The following STS variants were observed in gnomAD, a reference collection of about 807,000 sequenced individuals.
STS encodes steryl-sulfatase.
A neutral mutation model predicts 26.8 loss-of-function variants in STS; 7 were observed. The observed-to-expected ratio is 0.26, with a 90% CI of 0.15 to 0.49. The LOEUF is 0.49. Ranked by LOEUF, STS falls within the 20% of genes least tolerant of loss-of-function variation. The probability of loss-of-function intolerance (pLI) is 0.98; values close to 1 mark genes in which losing one functional copy is unlikely to be tolerated. For missense variants in STS, 434 were observed against 465.6 expected, an observed-to-expected ratio of 0.93 and a Z score of 0.63; for synonymous variants, 199 against 189.4, an observed-to-expected ratio of 1.05 and a Z score of -0.42.
chrX:7,337,234 G>A (rs901256020), intron 10 of STS, among the ~76,000 whole-genome samples: 3 of 111,989 alleles, frequency 2.7e-5, no homozygotes, highest in Admixed American at 9.5e-5. Context: ...ATTTTTCCTA[G>A]AAATATGTAT....
intron 6 of STS, among the ~76,000 whole-genome samples, chrX:7,272,836 A>G (rs1378431294): frequency 3.6e-5 from 4 of 111,529 alleles, no homozygotes; most frequent in Non-Finnish European, 7.5e-5. Context: ...ATACTTTATT[A>G]GCATTTGCTA....
intron 2 of STS, among the ~76,000 whole-genome samples, chrX:7,215,712 T>C (rs1025859914): frequency 3.6e-5 from 4 of 111,339 alleles, no homozygotes; most frequent in Admixed American, 2.9e-4. Flanking sequence ...GTTGGGGTTT[T>C]CATCTCCTCT....
At chrX:7,317,414 G>C (rs186103644) in intron 8 of STS, among the ~76,000 whole-genome samples, 1 of 110,805 alleles carries the variant, frequency 9.0e-6, no homozygotes, top group Non-Finnish European at 1.9e-5. Context: ...TTTTTATTTT[G>C]GTTGGTGTTT....
chrX:7,338,773 C>T (rs1295451778), intron 10 of STS, among the ~76,000 whole-genome samples: 5 of 112,196 alleles, frequency 4.5e-5, no homozygotes, highest in African/African-American at 9.7e-5. Flanking sequence ...AATATACAAT[C>T]AATTAATGTT....
intron 1 of STS, among the ~76,000 whole-genome samples, chrX:7,185,132 G>A (rs186626967): frequency 2.5e-4 from 28 of 111,944 alleles, no homozygotes; most frequent in African/African-American, 8.4e-4. Context: ...TGTGAAAAAT[G>A]ACCCTTTAAA....
At chrX:7,175,795 C>A (rs1933559676) in intron 1 of STS, among the ~76,000 whole-genome samples, 1 of 111,680 alleles carries the variant, frequency 9.0e-6, no homozygotes, top group African/African-American at 3.3e-5. Flanking sequence ...CCTCCATTAT[C>A]CAGTTCATGA....
At chrX:7,210,494 T>C (rs1920997993) in intron 2 of STS, among the ~76,000 whole-genome samples, 1 of 107,337 alleles carries the variant, frequency 9.3e-6, no homozygotes, top group African/African-American at 3.3e-5. Flanking sequence ...AATTTTTAAA[T>C]ATTAAATATA....
chrX:7,324,343 A>AG (rs1170734481), intron 8 of STS, among the ~76,000 whole-genome samples: 1 of 110,772 alleles, frequency 9.0e-6, no homozygotes, highest in African/African-American at 3.3e-5. Context: ...TCCACGTAGC[A>AG]GGCTTCAGAG....
At chrX:7,248,131 C>A (rs1286947843) in intron 2 of STS, among the ~76,000 whole-genome samples, 10 of 112,302 alleles carry the variant, frequency 8.9e-5, no homozygotes, top group African/African-American at 3.2e-4. Flanking sequence ...TATGTATATT[C>A]TATCATTTGC....
chrX:7,344,019 C>T (rs191932938), intron 10 of STS, among the ~76,000 whole-genome samples: 1 of 112,052 alleles, frequency 8.9e-6, no homozygotes, highest in Non-Finnish European at 1.9e-5. Context: ...TGCAGTTTAT[C>T]ACCACGCCTT....
At chrX:7,289,556 C>T (rs762591029) in intron 7 of STS, among the ~76,000 whole-genome samples, 1 of 111,780 alleles carries the variant, frequency 8.9e-6, no homozygotes, top group Admixed American at 9.5e-5. Context: ...ACTGTGCATC[C>T]TTCCCTGACC....
intron 7 of STS, among the ~76,000 whole-genome samples, chrX:7,296,297 C>A (rs1394505228): frequency 8.9e-6 from 1 of 112,064 alleles, no homozygotes; most frequent in Non-Finnish European, 1.9e-5. Context: ...AGCTGATGGC[C>A]ATACCAAACA....
chrX:7,209,990 G>A lies in STS; in HGVS notation c.-5+18982G>A, dbSNP rs923902906. Reference sequence around the variant, plus strand: ...TTATGGCTGTGTAGTATTCCATGATGTATATGTACCACTTTTCTTTATCCA... The same window carrying A: ...TTATGGCTGTGTAGTATTCCATGATATATATGTACCACTTTTCTTTATCCA... On this transcript the variant is annotated intron_variant, in intron 2 of 10. Coordinates refer to ENST00000674429, the MANE Select transcript of STS (RefSeq NM_001320752.2). 1.1e-4 allele frequency among the ~76,000 whole-genome samples: 12 copies of A among 111,735 alleles called. No homozygotes were observed. In the East Asian group the frequency reaches 3.3e-3, roughly 31 times the overall value.
intron 1 of STS, among the ~76,000 whole-genome samples, chrX:7,182,467 G>A (rs1397551558): frequency 9.1e-6 from 1 of 109,642 alleles, no homozygotes; most frequent in Non-Finnish European, 1.9e-5. Flanking sequence ...ATGGACTCTA[G>A]CATTCCCACT....
At chrX:7,329,716 A>G (rs1331890224) in intron 9 of STS, among the ~76,000 whole-genome samples, 1 of 111,944 alleles carries the variant, frequency 8.9e-6, no homozygotes, top group Admixed American at 9.5e-5. Flanking sequence ...TTTGAAGAAG[A>G]TAACTTCTGT....
intron 7 of STS, among the ~76,000 whole-genome samples, chrX:7,298,192 G>T (rs751198945): frequency 3.6e-5 from 4 of 111,561 alleles, no homozygotes; most frequent in Non-Finnish European, 7.5e-5. Flanking sequence ...CCCCCCAAAA[G>T]ACAGCACATC....
intron 2 of STS, among the ~76,000 whole-genome samples, chrX:7,241,089 A>C (rs1013281077): frequency 4.5e-5 from 5 of 111,542 alleles, no homozygotes; most frequent in Admixed American, 9.6e-5. Flanking sequence ...AAAATAACCA[A>C]CCAACCAATG....
intron 1 of STS, among the ~76,000 whole-genome samples, chrX:7,165,781 C>T (rs755866566): frequency 1.8e-5 from 2 of 112,355 alleles, no homozygotes; most frequent in South Asian, 7.4e-4. Context: ...CACTTAGTAG[C>T]ATCTCTGGCC....
At chrX:7,290,231 A>G (rs749128280) in intron 7 of STS, among the ~76,000 whole-genome samples, 1 of 111,539 alleles carries the variant, frequency 9.0e-6, no homozygotes, top group East Asian at 2.8e-4. Context: ...AAAGGCCCTT[A>G]ATGGTACTGG....
Sources: gnomAD v4.1 joint callset for allele counts (sites outside exome capture counted in the v4.1 genomes callset) on GRCh38, gnomAD v4.1.1 for gene constraint, MANE v1.5 for transcripts, NCBI Gene and HGNC (gene_info 2026-07-23, HGNC 2026-07-21) for gene names.